The following IQGAP3 variants were observed in gnomAD, a reference collection of about 807,000 sequenced individuals.
IQGAP3 encodes the protein ras GTPase-activating-like protein IQGAP3.
In IQGAP3, 165 loss-of-function variants were observed where a neutral mutation model predicts 208.2. The ratio of observed to expected loss-of-function variants is 0.79; its 90% CI spans 0.70 to 0.90. The LOEUF is 0.90. Ranked by LOEUF, IQGAP3 falls within the 40% of genes least tolerant of loss-of-function variation. The pLI is 0.00. For synonymous variants in IQGAP3, 703 were observed against 803.6 expected, an observed-to-expected ratio of 0.87 and a Z score of 2.12; for missense variants, 1,811 against 2,043.1, an observed-to-expected ratio of 0.89 and a Z score of 2.19.
Position 156,529,002 on chromosome 1 carries a change from G to A in IQGAP3, c.4485C>T (p.Ser1495=). 6.2e-7 allele frequency: 1 copy of A among 1,614,186 alleles called. No individual in the cohort carries two copies. The highest frequency in any genetic ancestry group is 8.5e-7 in the Non-Finnish European group (1 of 1,180,026). ...VKLQATLQGL[S]TKTTFYEEQG... is the part of the protein sequence containing the mutation. ...GCTCCTCATAGAAGGTGGTCTTAGTGCTCAGGCCCTGTAATGTGGCCTGCA... is the reference window on the plus strand; with the variant it reads ...GCTCCTCATAGAAGGTGGTCTTAGTACTCAGGCCCTGTAATGTGGCCTGCA... Residue 1495 remains serine, a synonymous_variant, in exon 35 of 38, where the codon AGC becomes AGT. Coordinates refer to ENST00000361170, the MANE Select transcript of IQGAP3 (RefSeq NM_178229.5).
intron 1 of IQGAP3, 111 bp from the exon 2 acceptor site, chr1:156,569,574 A>G (rs1676553297): frequency 4.4e-6 from 2 of 457,004 alleles, no homozygotes; most frequent in African/African-American, 2.5e-5. Context: ...GCTGGAGTGC[A>G]GTGGCCCAAT....
intron 1 of IQGAP3, among the ~76,000 whole-genome samples, chr1:156,571,183 A>G (rs904952791): frequency 1.1e-4 from 16 of 152,226 alleles, no homozygotes; most frequent in African/African-American, 3.9e-4. Flanking sequence ...TGCCTTAGTT[A>G]CAGTCTCCCT....
chr1:156,537,887 A>G lies in IQGAP3; in HGVS notation c.3282-566T>C, dbSNP rs552040167. On this transcript the variant is annotated intron_variant, in intron 26 of 37. Transcript: ENST00000361170. ...AATAGGAGTCCATATCCTAACTCCC[A>G]GCAAATTTTTTTTTTTTTTTTTGCG... 6.3e-3 allele frequency among the ~76,000 whole-genome samples: 961 copies of G among 151,412 alleles called. 8 individuals carry two copies. Among genetic ancestry groups the G allele is most frequent in the African/African-American group, 0.022 (911 of 41,258 alleles).
chr1:156,531,038 A>G (rs1674368259), intron 33 of IQGAP3, 122 bp downstream of exon 33: 3 of 751,378 alleles, frequency 4.0e-6, no homozygotes, highest in Admixed American at 3.5e-5. Context: ...ATTACTGGTG[A>G]GCACAGGTGT....
In IQGAP3 at chr1:156,532,931, C is replaced by T. The variant is rs775295446; in HGVS notation, c.4103+49G>A. On this transcript the variant is annotated intron_variant, in intron 32 of 37. Transcript: ENST00000361170. ...CAGAATAAGGCCATTTTACTGGCCT[C>T]AGGGCTGGGGAGCTCAGGTATGCAG... 61 of 1,610,940 alleles carry T rather than the reference C, an allele frequency of 3.8e-5. 2 individuals are homozygous for T. In the African/African-American group the frequency reaches 6.0e-4, roughly 16 times the overall value.
chr1:156,529,430 T>C (rs1674271901), intron 34 of IQGAP3, among the ~76,000 whole-genome samples: 1 of 151,486 alleles, frequency 6.6e-6, no homozygotes, highest in South Asian at 2.1e-4. Context: ...CCAGCTAATG[T>C]GGGGAAGAAA....
At chr1:156,554,933 T>G (rs557961448) in intron 12 of IQGAP3, among the ~76,000 whole-genome samples, 1 of 152,288 alleles carries the variant, frequency 6.6e-6, no homozygotes, top group African/African-American at 2.4e-5. Flanking sequence ...GGTGCGTACC[T>G]GTCATCCCAG....
At chr1:156,528,642 C>A in intron 35 of IQGAP3, 32 bp from the exon 36 acceptor site, 2 of 1,529,634 alleles carry the variant, frequency 1.3e-6, no homozygotes, top group East Asian at 2.2e-5. Context: ...AGAATTCATC[C>A]AATAAACACT....
At position 156,556,631 on chromosome 1, in the gene IQGAP3, TCA is replaced by T. The variant is rs1198701331; in HGVS notation, c.1190_1191del (p.Val397GlufsTer7). 1.9e-6 allele frequency: 3 copies of T among 1,610,470 alleles called. No individual in the cohort carries two copies. Among genetic ancestry groups the T allele is most frequent in the Non-Finnish European group, 2.5e-6 (3 of 1,177,802 alleles). On this transcript the variant is annotated frameshift_variant, in exon 12 of 38. Transcript: ENST00000361170. LOFTEE classifies it high-confidence loss of function. ...AIRRRVAADT[V>X]KELMCPEAQL... ...TGGGCCTCAGGGCACATCAGCTCCT[TCA>T]CAGTGTCAGCCGCCACTCTCCTCCG...
rs774456334 is a variant in IQGAP3, at chr1:156,534,160, T to C, written c.3741-19A>G. On this transcript the variant is annotated intron_variant, in intron 29 of 37. Transcript: ENST00000361170. ...GAACTTCCTGTCCAGAGGGCGGGCA[T>C]GTGAGAGAGCGGGGAGGGCCAGCAC... is the stretch of plus-strand genomic sequence containing the variant. The C allele has an allele frequency of 8.7e-6, 14 of 1,612,216 alleles. No individual in the cohort carries two copies. In the Admixed American group the frequency reaches 2.3e-4, roughly 27 times the overall value.
At chr1:156,570,111 C>T (rs1460658183) in intron 1 of IQGAP3, among the ~76,000 whole-genome samples, 1 of 152,194 alleles carries the variant, frequency 6.6e-6, no homozygotes, top group East Asian at 1.9e-4. Context: ...AGAACTGGAC[C>T]TGTGTCATCC....
intron 16 of IQGAP3, among the ~76,000 whole-genome samples, chr1:156,549,186 C>G (rs538992452): frequency 1.3e-5 from 2 of 152,194 alleles, no homozygotes; most frequent in South Asian, 2.1e-4. Flanking sequence ...ATTGGCCAGG[C>G]ACTGTGGCTC....
At chr1:156,550,854 C>T (rs1017034685) in intron 15 of IQGAP3, among the ~76,000 whole-genome samples, 2 of 152,178 alleles carry the variant, frequency 1.3e-5, no homozygotes, top group African/African-American at 4.8e-5. Flanking sequence ...GGGAAGATTA[C>T]ATGAGCCCAC....
At chr1:156,568,683 T>C (rs1676510740) in intron 2 of IQGAP3, among the ~76,000 whole-genome samples, 1 of 152,158 alleles carries the variant, frequency 6.6e-6, no homozygotes, top group African/African-American at 2.4e-5. Flanking sequence ...CCACCATGCC[T>C]GGCTAATATT....
chr1:156,552,223 C>T, intron 13 of IQGAP3, 128 bp from the exon 14 acceptor site: 3 of 1,154,178 alleles, frequency 2.6e-6, no homozygotes, highest in Middle Eastern at 4.8e-4. Flanking sequence ...TCTCTTCTTG[C>T]CTCACAGGCT....
In IQGAP3 at chr1:156,548,402, C is replaced by T. The variant is rs1314847132; in HGVS notation, c.2079G>A (p.Glu693=). 6.2e-7 allele frequency: 1 copy of T among 1,614,034 alleles called. No individual in the cohort carries two copies. Among genetic ancestry groups the T allele is most frequent in the African/African-American group, 1.3e-5 (1 of 74,982 alleles). ...FHLQTFQGIW[E]QPPGCPLNTS... Reference sequence around the variant, plus strand: ...TGTTGAGGGGGCAGCCAGGAGGTTGCTCCCAGATCCCCTGGAAGGTCTGCA... The same window carrying T: ...TGTTGAGGGGGCAGCCAGGAGGTTGTTCCCAGATCCCCTGGAAGGTCTGCA... The change falls in exon 18 of 38, where the codon GAG becomes GAA. Residue 693 remains glutamate, a synonymous_variant. Transcript: ENST00000361170.
At chr1:156,559,600 T>C (rs1452966498) in intron 11 of IQGAP3, among the ~76,000 whole-genome samples, 4 of 152,186 alleles carry the variant, frequency 2.6e-5, no homozygotes, top group African/African-American at 2.4e-5. Context: ...AGCAGAAGAC[T>C]TCACAGAGGA....
rs1674905781 is a variant in IQGAP3 at position 156,540,123 on chromosome 1, GA to G, written c.2740-134del. 2.4e-5 allele frequency: 24 copies of G among 995,148 alleles called. 1 individual carries two copies. The South Asian group carries it at 3.1e-4, about 13-fold the overall frequency. The allele number at this position is 995,148 out of a possible 1,614,324, so 61.6% of individuals were successfully genotyped here. On this transcript the variant is annotated intron_variant, in intron 23 of 37. Transcript: ENST00000361170. ...AGGAACAGGCATAAGCTGGGGGACAGAAGCAGTTCTAGGGTGAGGAAGGGCC... is the reference window on the plus strand; with the variant it reads ...AGGAACAGGCATAAGCTGGGGGACAGAGCAGTTCTAGGGTGAGGAAGGGCC...
In IQGAP3 at chr1:156,539,802, C is replaced by T. The variant is rs199715268; in HGVS notation, c.2892+36G>A. The T allele has an allele frequency of 2.2e-4, 350 of 1,609,562 alleles. 1 individual carries two copies. The highest frequency in any genetic ancestry group is 3.8e-4 in the South Asian group (35 of 90,956). Reference sequence around the variant, plus strand: ...CTTGAAGTCTCAGACCCTCAGGAGACGGGAGAGACTTCTCCTTGGAAAGTC... The same window carrying T: ...CTTGAAGTCTCAGACCCTCAGGAGATGGGAGAGACTTCTCCTTGGAAAGTC... On this transcript the variant is annotated intron_variant, in intron 24 of 37. Coordinates refer to ENST00000361170, the MANE Select transcript of IQGAP3 (RefSeq NM_178229.5).
Sources: allele counts gnomAD v4.1 joint callset (sites outside exome capture counted in the v4.1 genomes callset), GRCh38; gene constraint gnomAD v4.1.1; transcripts MANE v1.5; gene names NCBI Gene and HGNC (gene_info 2026-07-23, HGNC 2026-07-21).